The following ERC1 variants were observed in gnomAD, a reference collection of about 807,000 sequenced individuals.
ERC1 encodes RAB6 interacting protein 2.
A neutral mutation model predicts 132.0 loss-of-function variants in ERC1; 56 were observed. That is an observed-to-expected ratio of 0.42 (90% confidence interval 0.34 to 0.53). The LOEUF (loss-of-function observed/expected upper bound fraction) is 0.53. ERC1 is among the 20% of genes least tolerant of loss of function. The pLI, the probability that ERC1 is intolerant of heterozygous loss-of-function variation, is 0.03. For synonymous variants in ERC1, 478 were observed against 476.1 expected (o/e 1.00, Z -0.05); for missense variants, 1,202 against 1,349.9 (o/e 0.89, Z 1.72).
chr12:1,252,216 C>G (rs147022533), intron 13 of ERC1, among the ~76,000 whole-genome samples: 2 of 152,106 alleles, frequency 1.3e-5, no homozygotes, highest in African/African-American at 4.8e-5. Context: ...TATTATGCCA[C>G]TGAATGCTAA....
intron 14 of ERC1, among the ~76,000 whole-genome samples, chr12:1,274,294 G>A (rs574481288): frequency 1.3e-5 from 2 of 152,130 alleles, no homozygotes; most frequent in South Asian, 4.1e-4. Flanking sequence ...AACCAAATGA[G>A]TATGGTCCTT....
intron 12 of ERC1, among the ~76,000 whole-genome samples, chr12:1,223,041 A>G (rs2074293306): frequency 6.6e-6 from 1 of 152,206 alleles, no homozygotes; most frequent in Admixed American, 6.5e-5. Context: ...CTTTTTACGC[A>G]TTTGTTCAAC....
rs192698827 is a variant in ERC1 at position 1,194,249 on chromosome 12, C to G, written c.2351+4197C>G. Among the ~76,000 whole-genome samples, 3 of 151,870 alleles carry G rather than the reference C, an allele frequency of 2.0e-5. No individual in the cohort carries two copies. In the East Asian group the frequency reaches 5.8e-4, roughly 29 times the overall value. On this transcript the variant is annotated intron_variant, in intron 12 of 18. Coordinates refer to ENST00000360905, the MANE Select transcript of ERC1 (RefSeq NM_178040.4). ...CAGCCTGGCCAACATGGTGAAACCCCGTCTCTACTAAAAACACAAAAATTA... is the reference window on the plus strand; with the variant it reads ...CAGCCTGGCCAACATGGTGAAACCCGGTCTCTACTAAAAACACAAAAATTA...
chr12:1,293,620 ACT>A (rs1363067696), intron 15 of ERC1, among the ~76,000 whole-genome samples: 1 of 150,464 alleles, frequency 6.6e-6, no homozygotes, highest in Admixed American at 6.7e-5. Context: ...CAAGAGTGAA[ACT>A]CTGTCTCAAA....
At chr12:1,486,788 T>C (rs17223525) in intron 18 of ERC1, among the ~76,000 whole-genome samples, 27,399 of 152,270 alleles carry the variant, frequency 0.18, 3,050 homozygotes, top group Non-Finnish European at 0.25. Flanking sequence ...AAAAATGTTC[T>C]TAAACTAAAT....
chr12:1,398,828 G>A (rs1339021853), intron 16 of ERC1, among the ~76,000 whole-genome samples: 5 of 151,194 alleles, frequency 3.3e-5, no homozygotes, highest in Non-Finnish European at 7.4e-5. Flanking sequence ...GGGCAGGGAC[G>A]CTTTGTCCTT....
At chr12:1,075,004 A>G (rs774564280) in intron 2 of ERC1, among the ~76,000 whole-genome samples, 1 of 151,932 alleles carries the variant, frequency 6.6e-6, no homozygotes, top group Non-Finnish European at 1.5e-5. Flanking sequence ...ATTTGGTTTA[A>G]TATTTGAGGG....
intron 15 of ERC1, among the ~76,000 whole-genome samples, chr12:1,354,039 C>G (rs1434986495): frequency 6.7e-6 from 1 of 149,028 alleles, no homozygotes. Context: ...TCCACCAGTG[C>G]TGTGTGCCCC....
chr12:1,275,272 G>A (rs1334019678), intron 14 of ERC1, among the ~76,000 whole-genome samples: 1 of 152,142 alleles, frequency 6.6e-6, no homozygotes, highest in Non-Finnish European at 1.5e-5. Context: ...TCGATCACCT[G>A]AGGTCAGGAG....
At chr12:1,102,229 A>T (rs1944747083) in intron 3 of ERC1, among the ~76,000 whole-genome samples, 1 of 152,062 alleles carries the variant, frequency 6.6e-6, no homozygotes, top group Non-Finnish European at 1.5e-5. Context: ...TTGCTATTTT[A>T]GATCGTATGG....
At chr12:1,253,231 A>T (rs1024683716) in intron 13 of ERC1, among the ~76,000 whole-genome samples, 1 of 152,120 alleles carries the variant, frequency 6.6e-6, no homozygotes, top group Non-Finnish European at 1.5e-5. Context: ...GCTTAGGGAG[A>T]TCTACCATCA....
chr12:1,332,676 G>A (rs1032994329), intron 15 of ERC1, among the ~76,000 whole-genome samples: 1 of 152,144 alleles, frequency 6.6e-6, no homozygotes, highest in African/African-American at 2.4e-5. Context: ...CCAAATTTAA[G>A]AAGAAAAAGG....
chr12:1,077,998 A>G (rs952903827), intron 2 of ERC1, among the ~76,000 whole-genome samples: 1 of 152,200 alleles, frequency 6.6e-6, no homozygotes, highest in Non-Finnish European at 1.5e-5. Flanking sequence ...ATACTATAGT[A>G]AAATGGGTGC....
chr12:1,253,602 G>A (rs1252747320), intron 13 of ERC1, among the ~76,000 whole-genome samples: 1 of 152,106 alleles, frequency 6.6e-6, no homozygotes, highest in African/African-American at 2.4e-5. Context: ...CTTGAACCCA[G>A]GAGGTGGAGG....
At chr12:1,446,128 G>A (rs372435442) in intron 18 of ERC1, among the ~76,000 whole-genome samples, 3 of 152,080 alleles carry the variant, frequency 2.0e-5, no homozygotes, top group East Asian at 1.9e-4. Context: ...CTCCCTAGAC[G>A]ACATTTTCTG....
chr12:1,245,506 C>G (rs969580646), intron 13 of ERC1, among the ~76,000 whole-genome samples: 4 of 152,146 alleles, frequency 2.6e-5, no homozygotes, highest in Non-Finnish European at 5.9e-5. Context: ...ATTGAAAGTG[C>G]TCTGAAAAGA....
At chr12:1,476,006 G>A (rs2093964324) in intron 18 of ERC1, among the ~76,000 whole-genome samples, 1 of 151,060 alleles carries the variant, frequency 6.6e-6, no homozygotes, top group Non-Finnish European at 1.5e-5. Context: ...ACTCATGCCT[G>A]TAATCCCAGC....
At chr12:1,213,416 G>T (rs958202525) in intron 12 of ERC1, among the ~76,000 whole-genome samples, 5 of 152,124 alleles carry the variant, frequency 3.3e-5, no homozygotes, top group Admixed American at 2.0e-4. Flanking sequence ...AAATACTGTT[G>T]TAGAGTCGAA....
At chr12:1,368,548 T>TA (rs1316627173) in intron 15 of ERC1, among the ~76,000 whole-genome samples, 1 of 152,232 alleles carries the variant, frequency 6.6e-6, no homozygotes, top group Non-Finnish European at 1.5e-5. Flanking sequence ...ATGTAAAACT[T>TA]AATCAGGTAA....
Sources: allele counts gnomAD v4.1 joint callset (sites outside exome capture counted in the v4.1 genomes callset), GRCh38; gene constraint gnomAD v4.1.1; transcripts MANE v1.5; gene names NCBI Gene and HGNC (gene_info 2026-07-23, HGNC 2026-07-21).